The following CEP112 variants were observed in gnomAD, a reference collection of about 807,000 sequenced individuals.
CEP112 encodes the protein centrosomal protein of 112 kDa.
A neutral mutation model predicts 153.0 loss-of-function variants in CEP112; 127 were observed. That is an observed-to-expected ratio of 0.83 (90% CI 0.72 to 0.96). The LOEUF (loss-of-function observed/expected upper bound fraction) is 0.96, where lower values mean the gene tolerates loss of function less well. CEP112 is among the 40% of genes least tolerant of loss of function. The pLI, the probability that CEP112 is intolerant of heterozygous loss-of-function variation, is 0.00. For synonymous variants in CEP112, 358 were observed against 374.4 expected (o/e 0.96, Z 0.51); for missense variants, 1,089 against 1,101.2 (o/e 0.99, Z 0.16).
chr17:65,891,118 T>C (rs1048544197), intron 20 of CEP112, among the ~76,000 whole-genome samples: 1 of 152,234 alleles, frequency 6.6e-6, no homozygotes, highest in Middle Eastern at 3.4e-3. Flanking sequence ...GCTCAATGAA[T>C]GCCACTAAAT....
intron 24 of CEP112, among the ~76,000 whole-genome samples, chr17:65,663,863 G>T (rs981990107): frequency 6.6e-6 from 1 of 152,052 alleles, no homozygotes. Flanking sequence ...TGGCTAACAC[G>T]GTGAAACCCT....
chr17:66,066,997 A>G (rs567142153), intron 9 of CEP112, 120 bp from the exon 10 acceptor site: 4 of 551,672 alleles, frequency 7.3e-6, no homozygotes, highest in South Asian at 2.8e-5. Flanking sequence ...AACAAATATG[A>G]CTACACTGTG....
At chr17:66,096,063 G>GAAAAAC (rs1386364591) in intron 8 of CEP112, among the ~76,000 whole-genome samples, 188 bp downstream of exon 8, 1 of 152,010 alleles carries the variant, frequency 6.6e-6, no homozygotes, top group Non-Finnish European at 1.5e-5. Flanking sequence ...TCTATCTCTG[G>GAAAAAC]AAAAACAAAA....
chr17:65,943,249 A>G (rs1368799380), intron 18 of CEP112, among the ~76,000 whole-genome samples: 3 of 152,242 alleles, frequency 2.0e-5, no homozygotes, highest in Non-Finnish European at 4.4e-5. Context: ...TCTGTAGTGC[A>G]TTTGTGAAAG....
chr17:65,971,645 G>C (rs1238412049), intron 17 of CEP112, among the ~76,000 whole-genome samples: 1 of 137,990 alleles, frequency 7.2e-6, no homozygotes, highest in Non-Finnish European at 1.6e-5. Flanking sequence ...GCGTTATATT[G>C]CATGCATGTC....
chr17:65,937,462 G>T (rs111376587), intron 18 of CEP112, among the ~76,000 whole-genome samples: 1 of 102,382 alleles, frequency 9.8e-6, no homozygotes, highest in African/African-American at 3.2e-5. Context: ...GTCTCTGCCC[G>T]GCCGCCCCGT....
At chr17:65,975,171 T>C (rs951994644) in intron 17 of CEP112, among the ~76,000 whole-genome samples, 4 of 152,198 alleles carry the variant, frequency 2.6e-5, no homozygotes, top group Non-Finnish European at 5.9e-5. Context: ...TACAGGTTTC[T>C]TTCTTCACAG....
chr17:65,681,170 A>G (rs1256868364), intron 24 of CEP112, among the ~76,000 whole-genome samples: 1 of 152,222 alleles, frequency 6.6e-6, no homozygotes, highest in Non-Finnish European at 1.5e-5. Flanking sequence ...GCGCTGGTGG[A>G]TGCCATGAAG....
chr17:65,689,035 T>G, intron 24 of CEP112, 94 bp downstream of exon 24: 6 of 865,562 alleles, frequency 6.9e-6, no homozygotes, highest in Non-Finnish European at 9.6e-6. Context: ...CCCAAAGTGC[T>G]GAGATTACAG....
intron 17 of CEP112, among the ~76,000 whole-genome samples, chr17:65,996,902 CT>C (rs1214866680): frequency 2.6e-5 from 4 of 152,162 alleles, no homozygotes; most frequent in Admixed American, 2.6e-4. Flanking sequence ...ATGGAGAATA[CT>C]TTTTCTTTTC....
intron 19 of CEP112, among the ~76,000 whole-genome samples, chr17:65,914,580 C>G (rs550177508): frequency 6.6e-6 from 1 of 152,060 alleles, no homozygotes; most frequent in Non-Finnish European, 1.5e-5. Flanking sequence ...ATGGCTTGAA[C>G]GCATGGCTGG....
At chr17:66,050,717 C>G (rs1314332524) in intron 12 of CEP112, among the ~76,000 whole-genome samples, 1 of 152,036 alleles carries the variant, frequency 6.6e-6, no homozygotes, top group Non-Finnish European at 1.5e-5. Flanking sequence ...CACTTATCAG[C>G]CCTCTTCCAG....
intron 18 of CEP112, among the ~76,000 whole-genome samples, chr17:65,937,570 G>C (rs1455495511): frequency 3.6e-5 from 4 of 110,454 alleles, no homozygotes; most frequent in Non-Finnish European, 3.8e-5. Flanking sequence ...GGGAGGTGGG[G>C]GGGGTCAGCC....
chr17:65,836,828 C>A (rs982884074), intron 21 of CEP112, among the ~76,000 whole-genome samples: 2 of 151,706 alleles, frequency 1.3e-5, no homozygotes, highest in Non-Finnish European at 2.9e-5. Context: ...TCCCCTTCCC[C>A]CTCCCCCTCC....
chr17:66,141,829 T>C (rs1487915643), intron 4 of CEP112, among the ~76,000 whole-genome samples: 1 of 152,242 alleles, frequency 6.6e-6, no homozygotes, highest in Non-Finnish European at 1.5e-5. Flanking sequence ...TTGTGAATAA[T>C]GCTGCAGTGA....
chr17:65,702,903 G>A (rs536697469), intron 23 of CEP112, among the ~76,000 whole-genome samples: 4 of 152,164 alleles, frequency 2.6e-5, no homozygotes, highest in South Asian at 4.2e-4. Flanking sequence ...GGAAAAACTC[G>A]CCCCCATGAT....
intron 20 of CEP112, among the ~76,000 whole-genome samples, chr17:65,855,888 G>T (rs2058104707): frequency 6.6e-6 from 1 of 152,028 alleles, no homozygotes; most frequent in African/African-American, 2.4e-5. Context: ...ATATAGTGAG[G>T]CTCCTTCTCT....
intron 17 of CEP112, among the ~76,000 whole-genome samples, chr17:65,967,593 ACAAATTT>A (rs1292401186): frequency 2.6e-5 from 4 of 152,228 alleles, no homozygotes; most frequent in Non-Finnish European, 5.9e-5. Context: ...AAATCTTGTG[ACAAATTT>A]TAAGTGCTAA....
chr17:66,176,604 C>T (rs2072485946), intron 3 of CEP112: 1 of 349,040 alleles, frequency 2.9e-6, no homozygotes, highest in African/African-American at 2.1e-5. Flanking sequence ...TTTAGAAATA[C>T]TGTTGAATAC....
Sources: allele counts gnomAD v4.1 joint callset (sites outside exome capture counted in the v4.1 genomes callset), GRCh38; gene constraint gnomAD v4.1.1; transcripts MANE v1.5; gene names NCBI Gene and HGNC (gene_info 2026-07-23, HGNC 2026-07-21).